The following RGPD3 variants were observed in gnomAD, a reference collection of about 807,000 sequenced individuals.
The protein encoded by RGPD3 is ranBP2-like and GRIP domain-containing protein 3.
In RGPD3, 62 loss-of-function variants were observed where a neutral mutation model predicts 154.5. The observed-to-expected ratio is 0.40, with a 90% CI of 0.33 to 0.50. RGPD3 has a LOEUF of 0.50. Among genes scored for constraint, RGPD3 ranks in the 20% least tolerant of loss-of-function variants. RGPD3 has a pLI of 0.59. For missense variants in RGPD3, 919 were observed against 1,716.8 expected, an observed-to-expected ratio of 0.54 and a Z score of 8.21; for synonymous variants, 308 against 607.0, an observed-to-expected ratio of 0.51 and a Z score of 7.24.
intron 22 of RGPD3, among the ~76,000 whole-genome samples, chr2:106,412,322 T>TTTTG (rs1676700212): frequency 8.9e-6 from 1 of 111,908 alleles, no homozygotes; most frequent in South Asian, 3.5e-4. Flanking sequence ...TTTTTTTTTT[T>TTTTG]TTTTTTTTTG....
Position 106,468,299 on chromosome 2 carries a change from A to C in RGPD3, c.-11T>G, listed in dbSNP as rs570358994. The stretch of plus-strand genomic sequence containing the variant: ...CTTGCTGCAACTCATCGCGCCACCA[A>C]CCTGGCTCCCGAGATGCGTGAGACC... On this transcript the variant is annotated 5_prime_UTR_variant, in exon 1 of 23. Coordinates refer to ENST00000409886, the MANE Select transcript of RGPD3 (RefSeq NM_001144013.2). The C allele has an allele frequency of 1.6e-3, 2,498 of 1,602,402 alleles. 39 individuals carry two copies. The South Asian group carries it at 0.026, about 17-fold the overall frequency.
intron 1 of RGPD3, among the ~76,000 whole-genome samples, chr2:106,463,539 A>G (rs1441548342): frequency 6.6e-6 from 1 of 151,972 alleles, no homozygotes; most frequent in East Asian, 1.9e-4. Context: ...ACTATGCTAC[A>G]CCAAAACAAA....
At chr2:106,444,807 C>T (rs1337740866) in intron 7 of RGPD3, among the ~76,000 whole-genome samples, 1 of 149,686 alleles carries the variant, frequency 6.7e-6, no homozygotes, top group African/African-American at 2.5e-5. Context: ...CCAGCCACAG[C>T]ACCTCCCAAA....
chr2:106,427,379 A>G (rs1372874027), intron 18 of RGPD3, among the ~76,000 whole-genome samples: 1 of 151,376 alleles, frequency 6.6e-6, no homozygotes, highest in African/African-American at 2.4e-5. Context: ...TTGGCTTTAA[A>G]AAAATCACAT....
chr2:106,441,809 C>A (rs891244877), intron 7 of RGPD3, among the ~76,000 whole-genome samples: 1 of 133,162 alleles, frequency 7.5e-6, no homozygotes, highest in Admixed American at 8.5e-5. Flanking sequence ...GGTTGTAGTG[C>A]GCCGAGACTG....
At chr2:106,438,043 G>A (rs1157006785) in intron 9 of RGPD3, among the ~76,000 whole-genome samples, 1 of 152,166 alleles carries the variant, frequency 6.6e-6, no homozygotes, top group Non-Finnish European at 1.5e-5. Context: ...CGATTCTCCT[G>A]CCTCAGCCTC....
chr2:106,442,516 T>G (rs1245014184), intron 7 of RGPD3, among the ~76,000 whole-genome samples: 1 of 127,826 alleles, frequency 7.8e-6, no homozygotes, highest in South Asian at 2.5e-4. Context: ...AAAAAAAGCA[T>G]GATGAATAGA....
At position 106,464,161 on chromosome 2, in the gene RGPD3, C is replaced by T. The variant is rs1336083330; in HGVS notation, c.72+4056G>A. On this transcript the variant is annotated intron_variant, in intron 1 of 22. Transcript: ENST00000409886. Reference sequence around the variant, plus strand: ...GAGATCGAGACTATCCTGGCTAACACGGTGAAACCCCGTCTCTACTAAAAA... The same window carrying T: ...GAGATCGAGACTATCCTGGCTAACATGGTGAAACCCCGTCTCTACTAAAAA... Among the ~76,000 whole-genome samples the T allele has an allele frequency of 1.5e-4, 23 of 151,912 alleles. No homozygotes were observed. In the East Asian group the frequency reaches 2.7e-3, roughly 18 times the overall value.
intron 4 of RGPD3, among the ~76,000 whole-genome samples, chr2:106,455,342 C>T (rs866351173): frequency 3.4e-4 from 44 of 130,618 alleles, no homozygotes; most frequent in Non-Finnish European, 5.6e-4. Flanking sequence ...CGGTGGCTCA[C>T]GCCTGTAATC....
upstream of RGPD3, among the ~76,000 whole-genome samples, chr2:106,469,591 C>T (rs548733198): frequency 9.8e-5 from 15 of 152,316 alleles, no homozygotes; most frequent in African/African-American, 3.6e-4. Flanking sequence ...TAAATACAAA[C>T]CACTTTTCTC....
chr2:106,412,321 T>TTTTTTTTTTTTTG (rs1558833076), intron 22 of RGPD3, among the ~76,000 whole-genome samples: 1 of 99,978 alleles, frequency 1.0e-5, no homozygotes, highest in Non-Finnish European at 2.1e-5. Flanking sequence ...TTTTTTTTTT[T>TTTTTTTTTTTTTG]TTTTTTTTTT....
At chr2:106,447,857 C>T (rs1377239474) in intron 6 of RGPD3, among the ~76,000 whole-genome samples, 4 of 151,604 alleles carry the variant, frequency 2.6e-5, no homozygotes, top group Non-Finnish European at 2.9e-5. Flanking sequence ...TATTTCCAGC[C>T]CTCCAATCAC....
chr2:106,444,819 C>G (rs1401830136), intron 7 of RGPD3, among the ~76,000 whole-genome samples: 1 of 148,352 alleles, frequency 6.7e-6, no homozygotes, highest in Non-Finnish European at 1.5e-5. Flanking sequence ...CCTCCCAAAA[C>G]TACATATCAA....
intron 4 of RGPD3, among the ~76,000 whole-genome samples, chr2:106,455,330 C>T (rs62152524): frequency 0.084 from 10,643 of 126,014 alleles, 54 homozygotes; most frequent in Middle Eastern, 0.11. Flanking sequence ...CTTGGCTGGG[C>T]GCGGTGGCTC....
Position 106,468,229 on chromosome 2 carries a change from C to CG in RGPD3, c.59dup (p.Ser21ValfsTer18), listed in dbSNP as rs751424520. ...CAGACCCACTCACCTTTCGAGGCGACGGGGCGGAGCCCTGCACCGAGGCGA... is the reference window on the plus strand; with the variant it reads ...CAGACCCACTCACCTTTCGAGGCGACGGGGGCGGAGCCCTGCACCGAGGCGA... On this transcript the variant is annotated frameshift_variant, in exon 1 of 23. Coordinates refer to ENST00000409886, the MANE Select transcript of RGPD3 (RefSeq NM_001144013.2). LOFTEE classifies it high-confidence loss of function. 2 of 1,606,206 alleles carry CG rather than the reference C, an allele frequency of 1.2e-6. No homozygotes were observed. Among genetic ancestry groups the CG allele is most frequent in the East Asian group, 4.5e-5 (2 of 44,650 alleles).
In RGPD3 at chr2:106,467,623, C is replaced by G. The variant is rs778206405; in HGVS notation, c.72+594G>C. On this transcript the variant is annotated intron_variant, in intron 1 of 22. Transcript: ENST00000409886. ...CATCAAGGCAGCCGCCGGGCCGGGT[C>G]GAGGCAGCCGCCTCCACAGAGCGCG... 3.1e-4 allele frequency among the ~76,000 whole-genome samples: 45 copies of G among 143,424 alleles called. 1 individual carries two copies. Among genetic ancestry groups the G allele is most frequent in the East Asian group, 4.1e-4 (2 of 4,878 alleles). 94.1% of individuals were successfully genotyped at this position (143,424 alleles called of 152,430 possible). A position where few individuals can be genotyped will look rare whatever the true frequency, so the allele number is the denominator to read the frequency against.
At chr2:106,414,015 C>T (rs1558834023) in intron 21 of RGPD3, among the ~76,000 whole-genome samples, 2 of 152,246 alleles carry the variant, frequency 1.3e-5, no homozygotes, top group South Asian at 4.2e-4. Context: ...TACGCTGTTC[C>T]TGAAGTCCCA....
intron 20 of RGPD3, among the ~76,000 whole-genome samples, chr2:106,421,018 T>C (rs1157442395): frequency 6.6e-6 from 1 of 152,134 alleles, no homozygotes; most frequent in Non-Finnish European, 1.5e-5. Flanking sequence ...TGCCCTTCCT[T>C]TTACAATGTT....
chr2:106,416,091 T>G, intron 20 of RGPD3, 102 bp from the exon 21 acceptor site: 6 of 1,534,746 alleles, frequency 3.9e-6, no homozygotes, highest in Non-Finnish European at 5.3e-6. Flanking sequence ...TATGTGATAT[T>G]TTATAGCTCT....
Sources: gnomAD v4.1 joint callset for allele counts (sites outside exome capture counted in the v4.1 genomes callset) on GRCh38, gnomAD v4.1.1 for gene constraint, MANE v1.5 for transcripts, NCBI Gene and HGNC (gene_info 2026-07-23, HGNC 2026-07-21) for gene names.